Variants in ZNF609 observed in about 807,000 individuals in gnomAD.
ZNF609 encodes the protein zinc finger protein 609.
Under a neutral mutation model 109.5 loss-of-function variants are expected in ZNF609, and 11 were observed. The observed-to-expected ratio is 0.10, with a 90% CI of 0.06 to 0.17. ZNF609 has a LOEUF of 0.17. Ranked by LOEUF, ZNF609 falls within the 10% of genes least tolerant of loss-of-function variation. The pLI, the probability that ZNF609 is intolerant of heterozygous loss-of-function variation, is 1.00. For missense variants in ZNF609, 1,559 were observed against 1,772.4 expected (o/e 0.88, Z 2.16); for synonymous variants, 646 against 662.0 (o/e 0.98, Z 0.37).
chr15:64,627,920 A>G (rs1253765753), intron 3 of ZNF609, among the ~76,000 whole-genome samples: 1 of 149,306 alleles, frequency 6.7e-6, no homozygotes, highest in African/African-American at 2.4e-5. Context: ...TCAGCCTCCC[A>G]AAGTGCTGGG....
At chr15:64,572,151 A>T (rs940093158) in intron 2 of ZNF609, among the ~76,000 whole-genome samples, 1 of 152,212 alleles carries the variant, frequency 6.6e-6, no homozygotes, top group Non-Finnish European at 1.5e-5. Flanking sequence ...TGGGTTTGAC[A>T]TGGTTCTGTA....
rs767972166 is a variant in ZNF609 at position 64,614,443 on chromosome 15, C to G, written c.748-8384C>G. Among the ~76,000 whole-genome samples, 12 of 151,762 alleles carry G rather than the reference C, an allele frequency of 7.9e-5. 1 individual carries two copies. The highest frequency in any genetic ancestry group is 3.4e-3 in the Middle Eastern group (1 of 292). ...TAGAGATGGGGTTTCACCGTGTTAGCCAGGATGGTCTTGATCTCCTGACCT... is the reference window on the plus strand; with the variant it reads ...TAGAGATGGGGTTTCACCGTGTTAGGCAGGATGGTCTTGATCTCCTGACCT... On this transcript the variant is annotated intron_variant, in intron 2 of 9. Transcript: ENST00000326648.
intron 3 of ZNF609, among the ~76,000 whole-genome samples, chr15:64,628,991 C>T (rs1482779499): frequency 6.6e-6 from 1 of 152,180 alleles, no homozygotes; most frequent in Non-Finnish European, 1.5e-5. Context: ...TGAAATATTT[C>T]TCATACCAGT....
chr15:64,645,638 A>G (rs960145119), intron 3 of ZNF609, among the ~76,000 whole-genome samples: 2 of 152,176 alleles, frequency 1.3e-5, no homozygotes, highest in Non-Finnish European at 2.9e-5. Flanking sequence ...CGTGTATCTG[A>G]TAAGTGATTA....
intron 2 of ZNF609, chr15:64,502,484 G>C (rs575710233): frequency 4.6e-5 from 7 of 152,276 alleles, no homozygotes; most frequent in South Asian, 2.1e-4. Flanking sequence ...GGTGCTCAGT[G>C]AGTATTTGAT....
intron 2 of ZNF609, among the ~76,000 whole-genome samples, chr15:64,544,320 CAG>C (rs1382137024): frequency 6.6e-6 from 1 of 152,168 alleles, no homozygotes; most frequent in Non-Finnish European, 1.5e-5. Context: ...GCCTGGGTGA[CAG>C]AGTGAGACTC....
chr15:64,518,301 G>A (rs1182964187), intron 2 of ZNF609, among the ~76,000 whole-genome samples: 1 of 152,156 alleles, frequency 6.6e-6, no homozygotes, highest in Non-Finnish European at 1.5e-5. Context: ...ACAGGTGATG[G>A]GAGAGAGGGC....
chr15:64,656,126 C>T (rs561856444), intron 3 of ZNF609, among the ~76,000 whole-genome samples: 3 of 152,088 alleles, frequency 2.0e-5, no homozygotes, highest in Non-Finnish European at 2.9e-5. Context: ...TGCAATGGCG[C>T]GATCTTGGCC....
Position 64,675,658 on chromosome 15 carries a change from T to C in ZNF609, c.2804T>C (p.Ile935Thr), listed in dbSNP as rs971393879. 3.7e-6 allele frequency: 6 copies of C among 1,613,874 alleles called. No homozygotes were observed. Among genetic ancestry groups the C allele is most frequent in the Non-Finnish European group, 5.1e-6 (6 of 1,179,982 alleles). The change falls in exon 5 of 10, where the codon ATA becomes ACA. Residue 935 changes from isoleucine to threonine, a missense_variant. By Grantham distance (89) the Ile-to-Thr change is moderately conservative (BLOSUM62 -1). This residue lies in a region of ZNF609 where 1,204 missense variants were observed against 1,314.1 expected (regional missense o/e 0.92). Coordinates refer to ENST00000326648, the MANE Select transcript of ZNF609 (RefSeq NM_015042.2). ...KTKRDEEPES[I>T]EGKVKNDICE... ...AAAAGGGATGAGGAACCTGAGAGCA[T>C]AGAAGGGAAAGTGAAGAACGATATC... is the stretch of plus-strand genomic sequence containing the variant.
At chr15:64,531,472 A>T (rs1894059986) in intron 2 of ZNF609, among the ~76,000 whole-genome samples, 1 of 152,148 alleles carries the variant, frequency 6.6e-6, no homozygotes, top group African/African-American at 2.4e-5. Flanking sequence ...ATCATGGCTC[A>T]CTGCAACTTC....
intron 2 of ZNF609, among the ~76,000 whole-genome samples, chr15:64,510,804 A>G (rs536555556): frequency 2.2e-4 from 34 of 152,164 alleles, no homozygotes; most frequent in African/African-American, 8.2e-4. Context: ...GAAATACTCT[A>G]ATTGCTTTTT....
intron 1 of ZNF609, among the ~76,000 whole-genome samples, chr15:64,468,398 C>G (rs1174219742): frequency 1.3e-5 from 2 of 151,772 alleles, no homozygotes; most frequent in Non-Finnish European, 2.9e-5. Flanking sequence ...CTCATTCCAG[C>G]CTCAATGCCA....
At chr15:64,606,209 G>A (rs1895596676) in intron 2 of ZNF609, among the ~76,000 whole-genome samples, 1 of 151,564 alleles carries the variant, frequency 6.6e-6, no homozygotes, top group South Asian at 2.1e-4. Flanking sequence ...AACCTCCTGG[G>A]CTCAAGCAGT....
chr15:64,668,952 CAAA>C (rs538954402), intron 3 of ZNF609, among the ~76,000 whole-genome samples: 4 of 34,966 alleles, frequency 1.1e-4, no homozygotes, highest in South Asian at 1.3e-3. Flanking sequence ...AACTCCGTCT[CAAA>C]AAAAAAAAAA....
intron 2 of ZNF609, among the ~76,000 whole-genome samples, chr15:64,609,072 C>CTT: frequency 3.2e-5 from 1 of 31,012 alleles, no homozygotes; most frequent in Non-Finnish European, 8.6e-5. Context: ...ATTTTTCTTT[C>CTT]TTTCTTTCTT....
chr15:64,613,886 C>G (rs1895755917), intron 2 of ZNF609, among the ~76,000 whole-genome samples: 1 of 151,510 alleles, frequency 6.6e-6, no homozygotes, highest in Admixed American at 6.6e-5. Context: ...CTCAAAATTC[C>G]AGTCAACAGA....
intron 3 of ZNF609, among the ~76,000 whole-genome samples, chr15:64,655,548 T>C (rs915133391): frequency 5.3e-5 from 8 of 151,378 alleles, no homozygotes; most frequent in African/African-American, 1.9e-4. Flanking sequence ...ATATACAGGC[T>C]GGGCATGGTG....
chr15:64,537,831 T>C (rs1894180559), intron 2 of ZNF609, among the ~76,000 whole-genome samples: 1 of 152,098 alleles, frequency 6.6e-6, no homozygotes, highest in African/African-American at 2.4e-5. Context: ...GCGCGGTGGC[T>C]CTCGCCTGTA....
chr15:64,601,440 TA>T (rs1895496694), intron 2 of ZNF609, among the ~76,000 whole-genome samples: 1 of 152,206 alleles, frequency 6.6e-6, no homozygotes, highest in Admixed American at 6.5e-5. Flanking sequence ...AGGGTAGAAC[TA>T]AGACTCATAC....
Sources: allele counts gnomAD v4.1 joint callset (sites outside exome capture counted in the v4.1 genomes callset), GRCh38; gene constraint gnomAD v4.1.1; regional missense constraint gnomAD v4.1.1; transcripts MANE v1.5; gene names NCBI Gene and HGNC (gene_info 2026-07-23, HGNC 2026-07-21).